Variants in RABGAP1L observed in about 807,000 individuals in gnomAD.
RABGAP1L encodes rab GTPase-activating protein 1-like.
In RABGAP1L, 63 loss-of-function variants were observed where a neutral mutation model predicts 137.7. The observed-to-expected ratio is 0.46, with a 90% confidence interval of 0.37 to 0.56. The LOEUF (loss-of-function observed/expected upper bound fraction) is 0.56. RABGAP1L is among the 20% of genes least tolerant of loss of function. The probability of loss-of-function intolerance (pLI) is 0.00; values close to 1 mark genes in which losing one functional copy is unlikely to be tolerated. For synonymous variants in RABGAP1L, 431 were observed against 433.7 expected (o/e 0.99, Z 0.08); for missense variants, 1,095 against 1,244.0 (o/e 0.88, Z 1.80).
chr1:174,868,686 T>G (rs1651697242), intron 19 of RABGAP1L, among the ~76,000 whole-genome samples: 2 of 152,208 alleles, frequency 1.3e-5, no homozygotes, highest in African/African-American at 4.8e-5. Context: ...CTTTTTTCCC[T>G]GTTCTTTTCA....
intron 19 of RABGAP1L, among the ~76,000 whole-genome samples, chr1:174,887,727 T>C (rs1479045443): frequency 6.6e-6 from 1 of 152,124 alleles, no homozygotes; most frequent in Non-Finnish European, 1.5e-5. Flanking sequence ...AGGAAATCAA[T>C]TGTATTTAAA....
intron 13 of RABGAP1L, among the ~76,000 whole-genome samples, chr1:174,395,301 T>C (rs1426161681): frequency 1.3e-5 from 2 of 152,192 alleles, no homozygotes; most frequent in Non-Finnish European, 2.9e-5. Flanking sequence ...TAAGTGGATT[T>C]ACAGGTTATC....
At chr1:174,623,477 C>T (rs2148282369) in intron 13 of RABGAP1L, among the ~76,000 whole-genome samples, 1 of 152,260 alleles carries the variant, frequency 6.6e-6, no homozygotes, top group African/African-American at 2.4e-5. Flanking sequence ...TGTATTACAA[C>T]TATAGAATAG....
At chr1:174,567,262 A>G (rs1667648105) in intron 13 of RABGAP1L, among the ~76,000 whole-genome samples, 1 of 152,182 alleles carries the variant, frequency 6.6e-6, no homozygotes, top group African/African-American at 2.4e-5. Flanking sequence ...ATATAGGTAC[A>G]ATTATACATT....
chr1:174,720,290 T>TAGATAGATAGATAGACAGACAGAC (rs368112419), intron 17 of RABGAP1L, among the ~76,000 whole-genome samples: 2 of 141,678 alleles, frequency 1.4e-5, no homozygotes, highest in African/African-American at 2.8e-5. Flanking sequence ...GATAGATAGA[T>TAGATAGATAGATAGACAGACAGAC]AGACAGACAG....
At chr1:174,755,335 T>C (rs1684653786) in intron 18 of RABGAP1L, among the ~76,000 whole-genome samples, 1 of 151,924 alleles carries the variant, frequency 6.6e-6, no homozygotes, top group Admixed American at 6.6e-5. Flanking sequence ...CCTCCAAATG[T>C]AATTTATTTA....
chr1:174,875,465 G>T (rs569593918), intron 19 of RABGAP1L: 35 of 950,740 alleles, frequency 3.7e-5, no homozygotes, highest in Non-Finnish European at 4.3e-5. Flanking sequence ...CCAGCAGGGA[G>T]TAAGGCATTG....
At chr1:174,336,400 C>A (rs1035533910) in intron 11 of RABGAP1L, among the ~76,000 whole-genome samples, 1 of 152,164 alleles carries the variant, frequency 6.6e-6, no homozygotes, top group Non-Finnish European at 1.5e-5. Context: ...GCTGGGATTG[C>A]AGGTGTGAGC....
At chr1:174,249,371 A>T (rs1038093186) in intron 5 of RABGAP1L, among the ~76,000 whole-genome samples, 1 of 152,172 alleles carries the variant, frequency 6.6e-6, no homozygotes, top group East Asian at 1.9e-4. Context: ...AAGTGAAGAG[A>T]GAACTTGGAG....
rs897810156 is a variant in RABGAP1L, at chr1:174,878,932, T to G, written c.2340+66972T>G. The stretch of plus-strand genomic sequence containing the variant: ...TGTAATTTTTTGTGCATTGTTTTTT[T>G]TTTTTTTTTTTTTTTTTTGACATGG... On this transcript the variant is annotated intron_variant, in intron 19 of 25. Coordinates refer to ENST00000681986, the MANE Select transcript of RABGAP1L (RefSeq NM_001366446.1). 6.1e-4 allele frequency among the ~76,000 whole-genome samples: 68 copies of G among 111,236 alleles called. 1 individual carries two copies. Among genetic ancestry groups the G allele is most frequent in the East Asian group, 1.7e-3 (5 of 2,974 alleles). The allele number at this position is 111,236 out of a possible 152,430, so 73.0% of individuals were successfully genotyped here. A position where few individuals can be genotyped will look rare whatever the true frequency, so the allele number is the denominator to read the frequency against.
At chr1:174,383,245 T>C (rs1213716025) in intron 12 of RABGAP1L, among the ~76,000 whole-genome samples, 4 of 150,806 alleles carry the variant, frequency 2.7e-5, no homozygotes, top group Non-Finnish European at 5.9e-5. Context: ...GTCTTTTTGT[T>C]TGTCTGTGCC....
At position 174,714,844 on chromosome 1, in the gene RABGAP1L, T is replaced by C. The variant is rs183497964; in HGVS notation, c.2169+12588T>C. Reference sequence around the variant, plus strand: ...TTTTTTACAGGGCCTAAAAGATCTCTAAGTATTTCTAGTGTGTGTGTAATT... The same window carrying C: ...TTTTTTACAGGGCCTAAAAGATCTCCAAGTATTTCTAGTGTGTGTGTAATT... On this transcript the variant is annotated intron_variant, in intron 17 of 25. Coordinates refer to ENST00000681986, the MANE Select transcript of RABGAP1L (RefSeq NM_001366446.1). Among the ~76,000 whole-genome samples the C allele has an allele frequency of 9.8e-5, 15 of 152,328 alleles. No individual in the cohort carries two copies. The East Asian group carries it at 2.3e-3, about 23-fold the overall frequency.
chr1:174,355,435 G>A (rs1683546603), intron 11 of RABGAP1L, among the ~76,000 whole-genome samples: 1 of 145,090 alleles, frequency 6.9e-6, no homozygotes, highest in Non-Finnish European at 1.5e-5. Context: ...GACACAGGAA[G>A]GGGAACATCA....
chr1:174,233,172 C>T (rs1364900605), intron 4 of RABGAP1L, among the ~76,000 whole-genome samples: 2 of 152,016 alleles, frequency 1.3e-5, no homozygotes, highest in Non-Finnish European at 2.9e-5. Context: ...TCTTTCTGTC[C>T]TTCTGTCTCC....
chr1:174,715,911 G>A (rs1244776707), intron 17 of RABGAP1L, among the ~76,000 whole-genome samples: 1 of 152,138 alleles, frequency 6.6e-6, no homozygotes, highest in Non-Finnish European at 1.5e-5. Flanking sequence ...TTCAGGCACA[G>A]TTTTCCATTG....
intron 13 of RABGAP1L, among the ~76,000 whole-genome samples, chr1:174,525,975 A>G (rs1252388046): frequency 6.6e-6 from 1 of 152,112 alleles, no homozygotes; most frequent in Non-Finnish European, 1.5e-5. Flanking sequence ...GATCTCTGGT[A>G]TAAACTCCAC....
intron 11 of RABGAP1L, among the ~76,000 whole-genome samples, chr1:174,361,848 T>C (rs958340287): frequency 6.6e-6 from 1 of 152,234 alleles, no homozygotes; most frequent in Non-Finnish European, 1.5e-5. Flanking sequence ...ATGTGTGTCA[T>C]GGGGGTTTGT....
Position 174,831,759 on chromosome 1 carries a change from C to T in RABGAP1L, c.2340+19799C>T, listed in dbSNP as rs949236013. Among the ~76,000 whole-genome samples, 7 of 147,964 alleles carry T rather than the reference C, an allele frequency of 4.7e-5. 1 individual carries two copies. Among genetic ancestry groups the T allele is most frequent in the African/African-American group, 9.9e-5 (4 of 40,502 alleles). Reference sequence around the variant, plus strand: ...AAACTAGCTTTATGTCTAGATAAAACGCTACAACTTTGTTCCTTATAAAAT... The same window carrying T: ...AAACTAGCTTTATGTCTAGATAAAATGCTACAACTTTGTTCCTTATAAAAT... On this transcript the variant is annotated intron_variant, in intron 19 of 25. Coordinates refer to ENST00000681986, the MANE Select transcript of RABGAP1L (RefSeq NM_001366446.1).
At chr1:174,483,915 A>G (rs1659376206) in intron 13 of RABGAP1L, among the ~76,000 whole-genome samples, 1 of 151,954 alleles carries the variant, frequency 6.6e-6, no homozygotes, top group South Asian at 2.1e-4. Flanking sequence ...TCTTTTGTTT[A>G]TATACTCAAT....
Sources: allele counts gnomAD v4.1 joint callset (sites outside exome capture counted in the v4.1 genomes callset), GRCh38; gene constraint gnomAD v4.1.1; transcripts MANE v1.5; gene names NCBI Gene and HGNC (gene_info 2026-07-23, HGNC 2026-07-21).